CDKAL1: variants seen among roughly 807,000 people sequenced by gnomAD.
CDKAL1 encodes the protein CDKAL1 threonylcarbamoyladenosine tRNA methylthiotransferase.
In CDKAL1, 32 loss-of-function variants were observed where a neutral mutation model predicts 68.2. That is an observed-to-expected ratio of 0.47 (90% CI 0.35 to 0.63). CDKAL1 has a LOEUF of 0.63. CDKAL1 is among the 30% of genes least tolerant of loss of function. The pLI is 0.00. For missense variants in CDKAL1, 606 were observed against 696.7 expected (o/e 0.87, Z 1.47); for synonymous variants, 234 against 244.3 (o/e 0.96, Z 0.39).
In CDKAL1 at chr6:20,825,459, T is replaced by C. The variant is rs1777465270; in HGVS notation, c.639-20616T>C. On this transcript the variant is annotated intron_variant, in intron 8 of 15. Coordinates refer to ENST00000274695, the MANE Select transcript of CDKAL1 (RefSeq NM_017774.3). ...GCTCAGAATGTGGACTGTGCTGGCT[T>C]GTGAAAGATTATTACGAGTCAAAGA... 1.3e-5 allele frequency among the ~76,000 whole-genome samples: 2 copies of C among 152,116 alleles called. 1 individual carries two copies. The highest frequency in any genetic ancestry group is 2.9e-5 in the Non-Finnish European group (2 of 68,010).
intron 12 of CDKAL1, among the ~76,000 whole-genome samples, chr6:21,072,849 G>A (rs1016313011): frequency 1.3e-5 from 2 of 152,022 alleles, no homozygotes; most frequent in Non-Finnish European, 2.9e-5. Context: ...TTCACCCAAA[G>A]TCCATAGTTT....
intron 8 of CDKAL1, among the ~76,000 whole-genome samples, chr6:20,801,980 A>G (rs116338964): frequency 0.01 from 1,525 of 152,270 alleles, 30 homozygotes; most frequent in African/African-American, 0.034. Context: ...ACCACATGCA[A>G]TATTTGCTGT....
chr6:20,900,821 C>T (rs1177808208), intron 9 of CDKAL1, among the ~76,000 whole-genome samples: 1 of 151,898 alleles, frequency 6.6e-6, no homozygotes, highest in Non-Finnish European at 1.5e-5. Context: ...AATAACATTT[C>T]TTAAGGGAAT....
Position 20,539,726 on chromosome 6 carries a change from T to G in CDKAL1, c.-6+4332T>G, listed in dbSNP as rs1763314564. Among the ~76,000 whole-genome samples the G allele has an allele frequency of 6.6e-6, 1 of 152,212 alleles. No individual in the cohort carries two copies. The highest frequency in any genetic ancestry group is 6.5e-5 in the Admixed American group (1 of 15,282). On this transcript the variant is annotated intron_variant, in intron 2 of 15. Transcript: ENST00000274695. The surrounding 1 kb of genome is among the most constrained non-coding windows in gnomAD (Gnocchi z 4.3). ...GCAGGAGGCTGATTATATATGTCAT[T>G]GCAGATCTTTGTAGTGATTTTGGCT...
chr6:21,216,597 G>T (rs1779346530), intron 15 of CDKAL1, among the ~76,000 whole-genome samples: 1 of 152,196 alleles, frequency 6.6e-6, no homozygotes, highest in East Asian at 1.9e-4. Context: ...GGCATTGACA[G>T]GCGGTAAAGG....
chr6:20,969,296 C>G (rs114527214), intron 10 of CDKAL1, among the ~76,000 whole-genome samples: 1 of 151,886 alleles, frequency 6.6e-6, no homozygotes, highest in Admixed American at 6.6e-5. Flanking sequence ...ATTCTTACAA[C>G]CAAGTAAGCT....
At chr6:20,942,579 C>A (rs1001275351) in intron 9 of CDKAL1, among the ~76,000 whole-genome samples, 2 of 150,234 alleles carry the variant, frequency 1.3e-5, no homozygotes, top group Admixed American at 1.3e-4. Context: ...CTTAGTCAGG[C>A]TGGTCTTGAG....
At position 21,198,101 on chromosome 6, in the gene CDKAL1, G is replaced by A; in HGVS notation, c.1380G>A (p.Glu460=). The A allele has an allele frequency of 6.3e-7, 1 of 1,591,754 alleles. No homozygotes were observed. The highest frequency in any genetic ancestry group is 1.3e-5 in the African/African-American group (1 of 74,408). The part of the protein sequence containing the change: ...KFYVAHNQFY[E]QVLVPKNPAF... ...ATGTTGCACACAATCAATTCTATGA[G>A]CAGGTAAGAGGCACTTCAGTATTCT... Residue 460 remains glutamate, a synonymous_variant, in exon 14 of 16, where the codon GAG becomes GAA. Coordinates refer to ENST00000274695, the MANE Select transcript of CDKAL1 (RefSeq NM_017774.3).
intron 12 of CDKAL1, among the ~76,000 whole-genome samples, chr6:21,071,819 T>C (rs751893281): frequency 6.6e-6 from 1 of 152,228 alleles, no homozygotes; most frequent in Admixed American, 6.5e-5. Context: ...TTTTCACTCT[T>C]TCTGATGACT....
intron 4 of CDKAL1, among the ~76,000 whole-genome samples, chr6:20,638,865 A>G (rs572195943): frequency 3.3e-3 from 501 of 152,200 alleles, no homozygotes; most frequent in Non-Finnish European, 5.6e-3. Context: ...ATCTCTTGAC[A>G]TCATGATCCG....
At chr6:20,845,225 A>C (rs1361055766) in intron 8 of CDKAL1, among the ~76,000 whole-genome samples, 1 of 152,202 alleles carries the variant, frequency 6.6e-6, no homozygotes, top group Admixed American at 6.5e-5. Context: ...TCATTATAGC[A>C]ATCGAATCAC....
intron 4 of CDKAL1, among the ~76,000 whole-genome samples, chr6:20,581,170 A>ATG (rs1283539110): frequency 1.3e-5 from 2 of 152,266 alleles, no homozygotes; most frequent in Admixed American, 1.3e-4. Context: ...GTTATCCCTG[A>ATG]TGTAGTAGAT....
At chr6:21,107,168 CG>C (rs1001114996) in intron 12 of CDKAL1, among the ~76,000 whole-genome samples, 5 of 151,920 alleles carry the variant, frequency 3.3e-5, no homozygotes, top group African/African-American at 1.2e-4. Context: ...AGGATGGTCT[CG>C]ATCTCCTGAC....
chr6:20,947,697 C>T lies in CDKAL1; in HGVS notation c.743-7722C>T, dbSNP rs575741099. On this transcript the variant is annotated intron_variant, in intron 9 of 15. Coordinates refer to ENST00000274695, the MANE Select transcript of CDKAL1 (RefSeq NM_017774.3). ...TAGCGTAGCCTACCTTAAACATGCT[C>T]AGAACACTTTTATTAGCCTACAGTT... Among the ~76,000 whole-genome samples the T allele has an allele frequency of 2.5e-4, 38 of 152,282 alleles. 1 individual carries two copies. In the South Asian group the frequency reaches 7.7e-3, roughly 31 times the overall value.
At chr6:21,138,305 G>A (rs936061722) in intron 13 of CDKAL1, among the ~76,000 whole-genome samples, 6 of 152,064 alleles carry the variant, frequency 3.9e-5, no homozygotes, top group Middle Eastern at 3.2e-3. Context: ...TTCAACCACA[G>A]ACAACCATAA....
chr6:20,846,749 C>G (rs548439075), intron 9 of CDKAL1, among the ~76,000 whole-genome samples: 1 of 152,078 alleles, frequency 6.6e-6, no homozygotes, highest in African/African-American at 2.4e-5. Context: ...CATCACTTGC[C>G]GGGAAATGTG....
At chr6:20,901,416 T>C (rs967393899) in intron 9 of CDKAL1, among the ~76,000 whole-genome samples, 7 of 151,946 alleles carry the variant, frequency 4.6e-5, no homozygotes, top group Non-Finnish European at 1.0e-4. Context: ...GGCTCACACC[T>C]GTAATCCCAG....
intron 12 of CDKAL1, among the ~76,000 whole-genome samples, chr6:21,084,099 G>T (rs757815564): frequency 2.6e-5 from 4 of 152,062 alleles, no homozygotes; most frequent in African/African-American, 9.7e-5. Flanking sequence ...AGAAAGAAAC[G>T]GGAGGCCTTG....
At chr6:21,117,467 A>G (rs1036558769) in intron 13 of CDKAL1, among the ~76,000 whole-genome samples, 4 of 114,968 alleles carry the variant, frequency 3.5e-5, no homozygotes, top group Non-Finnish European at 5.2e-5. Flanking sequence ...GCAAAATCCT[A>G]TCTCTACCAA....
Sources: gnomAD v4.1 joint callset for allele counts (sites outside exome capture counted in the v4.1 genomes callset) on GRCh38, gnomAD v4.1.1 for gene constraint, Gnocchi (gnomAD v3.1) non-coding constraint, MANE v1.5 for transcripts, NCBI Gene and HGNC (gene_info 2026-07-23, HGNC 2026-07-21) for gene names.